The following IQCB1 variants were observed in gnomAD, a reference collection of about 807,000 sequenced individuals.
IQCB1 encodes IQ calmodulin-binding motif-containing protein 1.
IQCB1 carries 56 observed loss-of-function variants against 84.4 expected under a neutral mutation model. That is an observed-to-expected ratio of 0.66 (90% CI 0.54 to 0.83). IQCB1 has a LOEUF of 0.83. Ranked by LOEUF, IQCB1 falls within the 40% of genes least tolerant of loss-of-function variation. The probability of loss-of-function intolerance (pLI) is 0.00; values close to 1 mark genes in which losing one functional copy is unlikely to be tolerated. For missense variants in IQCB1, 629 were observed against 682.1 expected (o/e 0.92, Z 0.87); for synonymous variants, 210 against 234.8 (o/e 0.89, Z 0.96).
rs1948888605 is a variant in IQCB1, at chr3:121,789,930, G to T, written c.1129+143C>A. On this transcript the variant is annotated intron_variant, in intron 11 of 14. Coordinates refer to ENST00000310864, the MANE Select transcript of IQCB1 (RefSeq NM_001023570.4). ...ACAGTAACCGTTTTTGAACTCAGAA[G>T]ATCTAATAAAGTTTATCTGAAAAAC... is the stretch of plus-strand genomic sequence containing the variant. 5.7e-6 allele frequency: 4 copies of T among 706,494 alleles called. No individual in the cohort carries two copies. The Admixed American group carries it at 9.3e-5, about 16-fold the overall frequency. 43.8% of individuals were successfully genotyped at this position (706,494 alleles called of 1,614,324 possible).
chr3:121,773,556 T>G (rs1948097752), intron 13 of IQCB1, among the ~76,000 whole-genome samples: 1 of 152,128 alleles, frequency 6.6e-6, no homozygotes, highest in African/African-American at 2.4e-5. Flanking sequence ...TGAAATAATC[T>G]TAACTTTGGA....
chr3:121,778,969 C>T (rs1039614807), intron 13 of IQCB1, among the ~76,000 whole-genome samples: 6 of 151,596 alleles, frequency 4.0e-5, no homozygotes, highest in Non-Finnish European at 5.9e-5. Flanking sequence ...TTTGTCTTTA[C>T]GTAACATTTA....
At chr3:121,790,261 G>GA in intron 10 of IQCB1, 46 bp from the exon 11 acceptor site, 1 of 1,558,898 alleles carries the variant, frequency 6.4e-7, no homozygotes, top group Non-Finnish European at 8.8e-7. Context: ...TAAATCATAT[G>GA]AAAAAATGCA....
At chr3:121,807,929 A>G (rs759243256) in intron 6 of IQCB1, among the ~76,000 whole-genome samples, 3 of 151,976 alleles carry the variant, frequency 2.0e-5, no homozygotes, top group Non-Finnish European at 4.4e-5. Context: ...TGTAATCTTT[A>G]AGCTCTGAGC....
chr3:121,832,651 A>C lies in IQCB1; in HGVS notation c.-13+1740T>G, dbSNP rs147897259. Among the ~76,000 whole-genome samples the C allele has an allele frequency of 4.6e-5, 7 of 152,288 alleles. No individual in the cohort carries two copies. The East Asian group carries it at 1.2e-3, about 25-fold the overall frequency. ...CATTTTTACAATTTTTACATATGAA[A>C]TATAACAATCTTTTCCTCTATGGCA... On this transcript the variant is annotated intron_variant, in intron 2 of 14. Transcript: ENST00000310864.
intron 13 of IQCB1, among the ~76,000 whole-genome samples, chr3:121,780,201 C>T (rs6782082): frequency 0.64 from 97,854 of 151,962 alleles, 31,970 homozygotes; most frequent in African/African-American, 0.71. Context: ...TCTAAAGAGC[C>T]CTTCTCTGTT....
intron 13 of IQCB1, among the ~76,000 whole-genome samples, chr3:121,776,247 G>C (rs1340961666): frequency 6.6e-6 from 1 of 152,080 alleles, no homozygotes; most frequent in East Asian, 1.9e-4. Context: ...ATGTTGTTGA[G>C]AGTATCAATT....
At chr3:121,809,043 T>C (rs1949721678) in intron 5 of IQCB1, 34 bp from the exon 6 acceptor site, 2 of 1,331,536 alleles carry the variant, frequency 1.5e-6, no homozygotes, top group Non-Finnish European at 1.1e-6. Context: ...TTTACTTTTC[T>C]ATAGTTTTTT....
At chr3:121,770,751 C>T (rs552685511) in intron 14 of IQCB1, among the ~76,000 whole-genome samples, 177 bp from the exon 15 acceptor site, 18 of 152,310 alleles carry the variant, frequency 1.2e-4, no homozygotes, top group East Asian at 1.2e-3. Context: ...AGCAAGATCA[C>T]GGCTCACTGC....
Position 121,815,188 on chromosome 3 carries a change from G to T in IQCB1, c.394-6179C>A, listed in dbSNP as rs557186798. ...TGATTATTTCAATAGATGCAGAAAA[G>T]GCCGCCAATAAAATTCAACACCCCA... is the stretch of plus-strand genomic sequence containing the variant. On this transcript the variant is annotated intron_variant, in intron 5 of 14. Transcript: ENST00000310864. Among the ~76,000 whole-genome samples the T allele has an allele frequency of 3.9e-5, 6 of 152,184 alleles. No homozygotes were observed. In the South Asian group the frequency reaches 1.2e-3, roughly 32 times the overall value.
chr3:121,786,927 T>G (rs772827258), intron 12 of IQCB1, among the ~76,000 whole-genome samples: 1 of 152,016 alleles, frequency 6.6e-6, no homozygotes, highest in Non-Finnish European at 1.5e-5. Flanking sequence ...AAAAAGGAGG[T>G]ATTTATGAGG....
At chr3:121,806,452 G>A (rs1949602759) in intron 7 of IQCB1, among the ~76,000 whole-genome samples, 1 of 152,104 alleles carries the variant, frequency 6.6e-6, no homozygotes, top group Non-Finnish European at 1.5e-5. Context: ...TCTCAGCCGA[G>A]CTTGCTAGTC....
chr3:121,794,353 T>C lies in IQCB1; in HGVS notation c.986+1104A>G, dbSNP rs987585125. ...AAAAACTTTGTATTATCTCAAATTT[T>C]ACATTATCTTGATCATACAAGTGTA... On this transcript the variant is annotated intron_variant, in intron 10 of 14. Transcript: ENST00000310864. 3.3e-5 allele frequency among the ~76,000 whole-genome samples: 5 copies of C among 152,160 alleles called. No individual in the cohort carries two copies. The East Asian group carries it at 5.8e-4, about 18-fold the overall frequency.
At chr3:121,830,881 A>G (rs536649921) in intron 2 of IQCB1, among the ~76,000 whole-genome samples, 1 of 152,400 alleles carries the variant, frequency 6.6e-6, no homozygotes, top group African/African-American at 2.4e-5. Context: ...TGAACAGAGA[A>G]GCCAAGAAGA....
chr3:121,801,810 CTT>C (rs5852277), intron 7 of IQCB1, among the ~76,000 whole-genome samples: 7 of 89,920 alleles, frequency 7.8e-5, no homozygotes, highest in South Asian at 4.1e-4. Flanking sequence ...GCTGCAAGGC[CTT>C]TTTTTTTTTT....
rs1183438409 is a variant in IQCB1, at chr3:121,781,659, ACAC to A, written c.1410+81_1410+83del. 1,146 of 1,110,692 alleles carry A rather than the reference ACAC, an allele frequency of 1.0e-3. 2 individuals are homozygous for A. Among genetic ancestry groups the A allele is most frequent in the East Asian group, 9.9e-3 (391 of 39,400 alleles). 68.8% of individuals were successfully genotyped at this position (1,110,692 alleles called of 1,614,324 possible). A position where few individuals can be genotyped will look rare whatever the true frequency, so the allele number is the denominator to read the frequency against. Reference sequence around the variant, plus strand: ...CACACACACACACACACACACACACACACAATATATGTGTGTGTGTGTACAGTT... The same window carrying A: ...CACACACACACACACACACACACACAAATATATGTGTGTGTGTGTACAGTT... On this transcript the variant is annotated intron_variant, in intron 13 of 14. Transcript: ENST00000310864.
At chr3:121,826,229 C>T in intron 4 of IQCB1, 49 bp from the exon 5 acceptor site, 9 of 1,589,310 alleles carry the variant, frequency 5.7e-6, no homozygotes, top group Non-Finnish European at 7.8e-6. Context: ...ATGTTGAATG[C>T]TCAAGCTTCT....
chr3:121,808,407 T>C (rs879803087), intron 6 of IQCB1, among the ~76,000 whole-genome samples: 1 of 151,976 alleles, frequency 6.6e-6, no homozygotes, highest in African/African-American at 2.4e-5. Flanking sequence ...TTTTTCAGTC[T>C]TAAGAAAACA....
chr3:121,779,777 A>C (rs892864807), intron 13 of IQCB1, among the ~76,000 whole-genome samples: 1 of 152,170 alleles, frequency 6.6e-6, no homozygotes, highest in African/African-American at 2.4e-5. Flanking sequence ...ATTACATGAA[A>C]ACATTTTAAT....
Sources: gnomAD v4.1 joint callset for allele counts (sites outside exome capture counted in the v4.1 genomes callset) on GRCh38, gnomAD v4.1.1 for gene constraint, MANE v1.5 for transcripts, NCBI Gene and HGNC (gene_info 2026-07-23, HGNC 2026-07-21) for gene names.